SMG1: variants seen among roughly 807,000 people sequenced by gnomAD.
SMG1 encodes the protein serine/threonine-protein kinase SMG1.
Under a neutral mutation model 419.9 loss-of-function variants are expected in SMG1, and 22 were observed. The ratio of observed to expected loss-of-function variants is 0.05; its 90% CI spans 0.04 to 0.07. The LOEUF (loss-of-function observed/expected upper bound fraction) is 0.07, where lower values mean the gene tolerates loss of function less well. Among genes scored for constraint, SMG1 ranks in the 10% least tolerant of loss-of-function variants. The probability of loss-of-function intolerance (pLI) is 1.00; values close to 1 mark genes in which losing one functional copy is unlikely to be tolerated. For synonymous variants in SMG1, 1,538 were observed against 1,553.5 expected (o/e 0.99, Z 0.23); for missense variants, 3,185 against 4,342.0 (o/e 0.73, Z 7.49).
At position 18,829,314 on chromosome 16, in the gene SMG1, C is replaced by G. The variant is rs1447761292; in HGVS notation, c.9575G>C (p.Arg3192Pro). 1 of 1,613,372 alleles carries G rather than the reference C, an allele frequency of 6.2e-7. No homozygotes were observed. ...SISSCKTSLQ[R>P]VQLHIAMFQW... ...AAACATGGCAATATGCAGCTGAACC[C>G]GCTGCAGGCTTGTCTTACAAGAAGA... Residue 3192 changes from arginine (R) to proline (P), a missense_variant, in exon 54 of 63, where the codon CGG becomes CCG. Around this residue, in one of 27 missense-constraint regions of SMG1, gnomAD observed 737 missense variants for 846.6 expected, o/e 0.87. Transcript: ENST00000446231.
intron 59 of SMG1, 72 bp downstream of exon 59, chr16:18,815,368 C>T: frequency 6.4e-7 from 1 of 1,573,644 alleles, no homozygotes. Flanking sequence ...AAAATTAAAT[C>T]AAGAGATAAA....
intron 1 of SMG1, among the ~76,000 whole-genome samples, chr16:18,912,072 A>T (rs2037813710): frequency 7.7e-6 from 1 of 129,322 alleles, no homozygotes. Flanking sequence ...ACAGAGCAAG[A>T]TGCCATCTCA....
At chr16:18,821,222 T>TACTCCTGGTTCAAAATATACCTGTTAC (rs1567322096) in intron 55 of SMG1, among the ~76,000 whole-genome samples, 8 of 51,040 alleles carry the variant, frequency 1.6e-4, no homozygotes, top group Middle Eastern at 8.8e-3. Context: ...AGTATGTTTC[T>TACTCCTGGTTCAAAATATACCTGTTAC]TTTTTTTTTT....
At chr16:18,873,008 G>A (rs1459622198) in intron 13 of SMG1, among the ~76,000 whole-genome samples, 1 of 151,936 alleles carries the variant, frequency 6.6e-6, no homozygotes, top group Non-Finnish European at 1.5e-5. Flanking sequence ...ACAAAAATTA[G>A]CTGGGCATGG....
chr16:18,879,321 C>G (rs1332465240), intron 11 of SMG1, 174 bp downstream of exon 11: 2 of 597,498 alleles, frequency 3.3e-6, no homozygotes, highest in East Asian at 2.8e-5. Flanking sequence ...CACTACATTG[C>G]CCAAGCTGTG....
intron 22 of SMG1, 37 bp downstream of exon 22, chr16:18,868,153 A>G: frequency 6.5e-7 from 1 of 1,547,918 alleles, no homozygotes; most frequent in East Asian, 2.3e-5. Context: ...TTTTCTTATT[A>G]ACAGACTTAA....
chr16:18,914,115 T>C (rs973469628), intron 1 of SMG1, among the ~76,000 whole-genome samples: 13 of 150,080 alleles, frequency 8.7e-5, no homozygotes, highest in Admixed American at 4.7e-4. Flanking sequence ...TGCGTGAGCC[T>C]AGATCGTGCC....
chr16:18,858,847 T>C lies in SMG1; in HGVS notation c.4113+175A>G, dbSNP rs118139637. 0.023 allele frequency: 12,170 copies of C among 526,172 alleles called. 192 individuals are homozygous for C. Among genetic ancestry groups the C allele is most frequent in the Non-Finnish European group, 0.032 (9,707 of 306,572 alleles). 32.6% of individuals were successfully genotyped at this position (526,172 alleles called of 1,614,324 possible). A position where few individuals can be genotyped will look rare whatever the true frequency, so the allele number is the denominator to read the frequency against. On this transcript the variant is annotated intron_variant, in intron 28 of 62. Transcript: ENST00000446231. ...CTTGAGATTATCTCAGGTTCTTCCA[T>C]CTGCCCCATGTACTTCTCAAATGAA...
At chr16:18,921,290 G>C (rs529777136) in intron 1 of SMG1, among the ~76,000 whole-genome samples, 2 of 152,194 alleles carry the variant, frequency 1.3e-5, no homozygotes, top group East Asian at 3.9e-4. Context: ...AGGCTGCAGT[G>C]AGCAGTGATT....
chr16:18,880,036 ACAC>A (rs899223307), intron 10 of SMG1, among the ~76,000 whole-genome samples: 2 of 152,216 alleles, frequency 1.3e-5, no homozygotes, highest in Non-Finnish European at 2.9e-5. Flanking sequence ...ATCATGAAAT[ACAC>A]CACCACAACA....
intron 1 of SMG1, among the ~76,000 whole-genome samples, chr16:18,908,899 G>C (rs1268391391): frequency 6.6e-6 from 1 of 151,554 alleles, no homozygotes; most frequent in African/African-American, 2.4e-5. Context: ...AAAAAGAAAT[G>C]TATGCAACCA....
intron 42 of SMG1, 68 bp from the exon 43 acceptor site, chr16:18,838,757 A>G: frequency 1.0e-6 from 1 of 998,624 alleles, no homozygotes; most frequent in South Asian, 1.6e-5. Context: ...CATGGACGTG[A>G]TACTATAAAA....
At chr16:18,918,502 C>T (rs1438705883) in intron 1 of SMG1, among the ~76,000 whole-genome samples, 1 of 152,194 alleles carries the variant, frequency 6.6e-6, no homozygotes, top group African/African-American at 2.4e-5. Context: ...TTCCATCACC[C>T]TACCGCTCCA....
At chr16:18,860,605 T>TAA in intron 26 of SMG1, 62 bp downstream of exon 26, 1 of 720,866 alleles carries the variant, frequency 1.4e-6, no homozygotes, top group Non-Finnish European at 2.4e-6. Flanking sequence ...TAAAATATAC[T>TAA]AAGCCAAACA....
intron 3 of SMG1, among the ~76,000 whole-genome samples, chr16:18,892,759 AGTCCACTG>A (rs1272354876): frequency 7.2e-5 from 11 of 152,176 alleles, no homozygotes; most frequent in Admixed American, 3.9e-4. Context: ...CAAAAGTCAC[AGTCCACTG>A]GTCAATAAAA....
chr16:18,829,192 T>TA (rs904462441), intron 54 of SMG1, 94 bp downstream of exon 54: 13 of 1,138,790 alleles, frequency 1.1e-5, no homozygotes, highest in Admixed American at 8.4e-5. Flanking sequence ...CAGGAAGTTT[T>TA]AAAAAAATTT....
chr16:18,917,907 A>G (rs1160625189), intron 1 of SMG1, among the ~76,000 whole-genome samples: 1 of 151,628 alleles, frequency 6.6e-6, no homozygotes, highest in Non-Finnish European at 1.5e-5. Flanking sequence ...AACTAGATTT[A>G]ATCTTCCTAA....
At position 18,834,455 on chromosome 16, in the gene SMG1, T is replaced by C. The variant is rs749641194; in HGVS notation, c.8331-17A>G. On this transcript the variant is annotated splice_polypyrimidine_tract_variant and intron_variant, in intron 49 of 62. Transcript: ENST00000446231. ...AGGTTACGCCTACAAGAGATAAATA[T>C]CTGTACAGTGAAACTTAAATGTATA... 4 of 1,604,548 alleles carry C rather than the reference T, an allele frequency of 2.5e-6. No homozygotes were observed. The South Asian group carries it at 3.3e-5, about 13-fold the overall frequency.
chr16:18,830,175 C>A, intron 52 of SMG1, 44 bp downstream of exon 52: 2 of 1,610,526 alleles, frequency 1.2e-6, no homozygotes, highest in Non-Finnish European at 1.7e-6. Context: ...TGAACAACTA[C>A]TTTATGGCAC....
Sources: gnomAD v4.1 joint callset for allele counts (sites outside exome capture counted in the v4.1 genomes callset) on GRCh38, gnomAD v4.1.1 for gene constraint, gnomAD v4.1.1 regional missense constraint, MANE v1.5 for transcripts, NCBI Gene and HGNC (gene_info 2026-07-23, HGNC 2026-07-21) for gene names.